SPAG16: variants seen among roughly 807,000 people sequenced by gnomAD.
The protein encoded by SPAG16 is sperm associated antigen 16.
In SPAG16, 86 loss-of-function variants were observed where a neutral mutation model predicts 80.4. The observed-to-expected ratio is 1.07, with a 90% CI of 0.90 to 1.28. The LOEUF (loss-of-function observed/expected upper bound fraction) is 1.28, where lower values mean the gene tolerates loss of function less well. SPAG16 is among the 50% of genes most tolerant of loss of function. The pLI is 0.00. For synonymous variants in SPAG16, 294 were observed against 265.9 expected, an observed-to-expected ratio of 1.11 and a Z score of -1.03; for missense variants, 870 against 765.3, an observed-to-expected ratio of 1.14 and a Z score of -1.61.
Position 213,522,798 on chromosome 2 carries a change from AATAT to A in SPAG16, c.1070+32722_1070+32725del, listed in dbSNP as rs34910737. Among the ~76,000 whole-genome samples, 116 of 146,780 alleles carry A rather than the reference AATAT, an allele frequency of 7.9e-4. 1 individual carries two copies. The highest frequency in any genetic ancestry group is 3.7e-3 in the Middle Eastern group (1 of 272). On this transcript the variant is annotated intron_variant, in intron 10 of 15. Transcript: ENST00000331683. Reference sequence around the variant, plus strand: ...TAAAATGCCCAAAACTTACATGCCAAATATATATATATATATAACAAACTTATAT... The same window carrying A: ...TAAAATGCCCAAAACTTACATGCCAAATATATATATATAACAAACTTATAT...
chr2:213,755,295 C>T (rs2068271192), intron 10 of SPAG16, among the ~76,000 whole-genome samples: 1 of 151,954 alleles, frequency 6.6e-6, no homozygotes, highest in Non-Finnish European at 1.5e-5. Context: ...AAATGTTTGT[C>T]TCTGGTTATT....
chr2:213,803,204 TAGAA>T (rs1459468149), intron 10 of SPAG16, among the ~76,000 whole-genome samples: 2 of 152,130 alleles, frequency 1.3e-5, no homozygotes, highest in African/African-American at 4.8e-5. Context: ...AGACATGAGA[TAGAA>T]AGTCCCCTGG....
intron 11 of SPAG16, among the ~76,000 whole-genome samples, chr2:213,896,189 G>GAAAAA (rs1444521091): frequency 1.3e-5 from 2 of 151,780 alleles, no homozygotes; most frequent in South Asian, 4.1e-4. Flanking sequence ...AAAGGTATAT[G>GAAAAA]AAAAAAATAC....
intron 15 of SPAG16, among the ~76,000 whole-genome samples, chr2:214,405,705 G>A (rs916571991): frequency 6.6e-6 from 1 of 152,162 alleles, no homozygotes; most frequent in Non-Finnish European, 1.5e-5. Context: ...GCTGAGGCAG[G>A]AGAATCACTT....
At chr2:213,353,520 T>C (rs1389643512) in intron 7 of SPAG16, among the ~76,000 whole-genome samples, 1 of 152,232 alleles carries the variant, frequency 6.6e-6, no homozygotes, top group Non-Finnish European at 1.5e-5. Flanking sequence ...TCAATTTTCC[T>C]AGGCTATTGC....
chr2:214,055,827 T>A (rs2049908419), intron 13 of SPAG16, among the ~76,000 whole-genome samples: 1 of 152,076 alleles, frequency 6.6e-6, no homozygotes. Flanking sequence ...TTATACTACA[T>A]AAAATTCTAA....
chr2:214,251,712 A>C (rs1690305278), intron 15 of SPAG16, among the ~76,000 whole-genome samples: 1 of 152,156 alleles, frequency 6.6e-6, no homozygotes, highest in Non-Finnish European at 1.5e-5. Flanking sequence ...ACGTACTCCT[A>C]TAAAGTGCTT....
intron 11 of SPAG16, among the ~76,000 whole-genome samples, chr2:213,909,764 A>G (rs1218159529): frequency 1.3e-5 from 2 of 152,200 alleles, no homozygotes; most frequent in Non-Finnish European, 2.9e-5. Flanking sequence ...GACCAAGATC[A>G]TTCTTGATGT....
intron 12 of SPAG16, among the ~76,000 whole-genome samples, chr2:213,985,912 T>A (rs1376648053): frequency 6.6e-6 from 1 of 152,080 alleles, no homozygotes; most frequent in Non-Finnish European, 1.5e-5. Flanking sequence ...TGCACACTAG[T>A]GAATTTGCTA....
At chr2:213,361,731 C>A (rs2065988513) in intron 7 of SPAG16, among the ~76,000 whole-genome samples, 1 of 150,882 alleles carries the variant, frequency 6.6e-6, no homozygotes, top group Non-Finnish European at 1.5e-5. Flanking sequence ...GTAGTGGGCA[C>A]CTGCAGAGGT....
intron 13 of SPAG16, among the ~76,000 whole-genome samples, chr2:214,065,718 C>A (rs1166252090): frequency 6.6e-6 from 1 of 152,004 alleles, no homozygotes; most frequent in Non-Finnish European, 1.5e-5. Flanking sequence ...TAATTTTATG[C>A]ATGTTGAAAT....
At chr2:214,260,968 G>A (rs536902334) in intron 15 of SPAG16, among the ~76,000 whole-genome samples, 4 of 151,776 alleles carry the variant, frequency 2.6e-5, no homozygotes, top group African/African-American at 9.7e-5. Flanking sequence ...TTAGCCGGGC[G>A]TGGTGGTGGG....
chr2:213,887,305 C>T (rs1189799952), intron 11 of SPAG16, among the ~76,000 whole-genome samples: 1 of 152,034 alleles, frequency 6.6e-6, no homozygotes, highest in Non-Finnish European at 1.5e-5. Context: ...TTTCTTTCAT[C>T]TCCAATCTGT....
chr2:214,396,137 A>G (rs1701358167), intron 15 of SPAG16, among the ~76,000 whole-genome samples: 1 of 152,106 alleles, frequency 6.6e-6, no homozygotes, highest in Admixed American at 6.5e-5. Context: ...CCATTTTTGA[A>G]TTAGGTTGTT....
At chr2:213,352,382 T>C (rs1024422725) in intron 7 of SPAG16, among the ~76,000 whole-genome samples, 2 of 152,208 alleles carry the variant, frequency 1.3e-5, no homozygotes, top group Non-Finnish European at 2.9e-5. Flanking sequence ...TTCTTTATTC[T>C]ATATCCTGAG....
chr2:213,325,019 A>T (rs899122993), intron 5 of SPAG16, among the ~76,000 whole-genome samples: 3 of 151,864 alleles, frequency 2.0e-5, no homozygotes, highest in Admixed American at 1.3e-4. Flanking sequence ...TTGCTTTTTG[A>T]CCATTCTAAA....
At chr2:213,643,402 A>ATATATATATG (rs2062696928) in intron 10 of SPAG16, among the ~76,000 whole-genome samples, 2 of 46,800 alleles carry the variant, frequency 4.3e-5, no homozygotes, top group South Asian at 7.5e-4. Context: ...ATATATATAT[A>ATATATATATG]TATATATATT....
chr2:213,639,466 T>C (rs1406818965), intron 10 of SPAG16, among the ~76,000 whole-genome samples: 1 of 152,192 alleles, frequency 6.6e-6, no homozygotes, highest in Non-Finnish European at 1.5e-5. Context: ...AGCATTTGTT[T>C]GTGTGAAAAA....
intron 12 of SPAG16, among the ~76,000 whole-genome samples, chr2:213,989,458 T>G (rs2046175473): frequency 6.6e-6 from 1 of 152,128 alleles, no homozygotes; most frequent in Admixed American, 6.6e-5. Context: ...GTTTTCCTGC[T>G]TTTATTTTTC....
Sources: gnomAD v4.1 joint callset for allele counts (sites outside exome capture counted in the v4.1 genomes callset) on GRCh38, gnomAD v4.1.1 for gene constraint, MANE v1.5 for transcripts, NCBI Gene and HGNC (gene_info 2026-07-23, HGNC 2026-07-21) for gene names.